Variants in ATP5MJ observed in about 807,000 individuals in gnomAD.
ATP5MJ encodes ATP synthase membrane subunit j, also known as ATP synthase F(0) complex subunit j, mitochondrial.
A neutral mutation model predicts 8.3 loss-of-function variants in ATP5MJ; 4 were observed. That is an observed-to-expected ratio of 0.48 (90% CI 0.24 to 1.11). The LOEUF is 1.11. Ranked by LOEUF, ATP5MJ falls within the 50% of genes least tolerant of loss-of-function variation. The pLI, the probability that ATP5MJ is intolerant of heterozygous loss-of-function variation, is 0.18. For missense variants in ATP5MJ, 66 were observed against 71.8 expected, an observed-to-expected ratio of 0.92 and a Z score of 0.29; for synonymous variants, 23 against 21.3, an observed-to-expected ratio of 1.08 and a Z score of -0.23.
At position 103,915,062 on chromosome 14, in the gene ATP5MJ, G is replaced by A. The variant is rs560737987; in HGVS notation, c.124+4C>T. The A allele has an allele frequency of 1.2e-5, 19 of 1,613,548 alleles. No homozygotes were observed. The highest frequency in any genetic ancestry group is 2.2e-5 in the East Asian group (1 of 44,866). On this transcript the variant is annotated splice_donor_region_variant and intron_variant, in intron 2 of 3. Coordinates refer to ENST00000286953, the MANE Select transcript of ATP5MJ (RefSeq NM_004894.3). The stretch of plus-strand genomic sequence containing the variant: ...TCAGAAAAATCAAACATAAGGAAAC[G>A]TACCAGCAGCCCGGATTTTATAAAC...
intron 2 of ATP5MJ, chr14:103,914,650 T>TA: frequency 1.8e-6 from 1 of 560,780 alleles, no homozygotes; most frequent in Non-Finnish European, 3.2e-6. Flanking sequence ...AAAAAAAAAG[T>TA]ACAAAAAAAA....
rs1327830479 is a variant in ATP5MJ, at chr14:103,918,454, G to A, written c.-1+3016C>T. Among the ~76,000 whole-genome samples the A allele has an allele frequency of 4.6e-5, 7 of 151,894 alleles. No homozygotes were observed. In the East Asian group the frequency reaches 7.8e-4, roughly 17 times the overall value. On this transcript the variant is annotated intron_variant, in intron 1 of 3. Coordinates refer to ENST00000286953, the MANE Select transcript of ATP5MJ (RefSeq NM_004894.3). ...CGGCTCATTGCAAGCTCCGCCTCCC[G>A]GGTTCACACCATTCTCCTGCCTCAG...
At chr14:103,920,540 C>T (rs756879292) in intron 1 of ATP5MJ, among the ~76,000 whole-genome samples, 2 of 146,970 alleles carry the variant, frequency 1.4e-5, no homozygotes, top group Non-Finnish European at 3.0e-5. Flanking sequence ...GGCGCGATCT[C>T]GGCTCACTGC....
intron 1 of ATP5MJ, chr14:103,921,059 G>A (rs1228087260): frequency 1.3e-6 from 2 of 1,549,492 alleles, no homozygotes; most frequent in East Asian, 4.9e-5. Flanking sequence ...AGCATAACGT[G>A]GAGGGCAGTG....
In ATP5MJ at chr14:103,915,307, T is replaced by C. The variant is rs897280172; in HGVS notation, c.1-118A>G. The C allele has an allele frequency of 1.1e-5, 13 of 1,164,764 alleles. No homozygotes were observed. In the Admixed American group the frequency reaches 2.8e-4, roughly 25 times the overall value. 72.2% of individuals were successfully genotyped at this position (1,164,764 alleles called of 1,614,324 possible). On this transcript the variant is annotated intron_variant, in intron 1 of 3. Coordinates refer to ENST00000286953, the MANE Select transcript of ATP5MJ (RefSeq NM_004894.3). ...CCCATGACTGCTAGGGAGCCTCGCC[T>C]GTGTCAGATGTCAGACCCGTTCTGC...
At chr14:103,917,647 C>A (rs2087635992) in intron 1 of ATP5MJ, among the ~76,000 whole-genome samples, 1 of 152,142 alleles carries the variant, frequency 6.6e-6, no homozygotes, top group African/African-American at 2.4e-5. Flanking sequence ...GGGCACCGAA[C>A]CAGGAACTAA....
At chr14:103,916,136 G>A (rs1010602898) in intron 1 of ATP5MJ, among the ~76,000 whole-genome samples, 1 of 152,080 alleles carries the variant, frequency 6.6e-6, no homozygotes, top group Non-Finnish European at 1.5e-5. Context: ...ATAAGACAAC[G>A]AGGTCACTTC....
chr14:103,915,517 T>G (rs540262785), intron 1 of ATP5MJ, among the ~76,000 whole-genome samples: 94 of 152,302 alleles, frequency 6.2e-4, no homozygotes, highest in African/African-American at 2.2e-3. Flanking sequence ...TGGCTAATTT[T>G]TGTATTTTTA....
chr14:103,914,749 A>G (rs1438710573), intron 2 of ATP5MJ: 1 of 529,560 alleles, frequency 1.9e-6, no homozygotes, highest in African/African-American at 2.0e-5. Flanking sequence ...ATCACCTGAA[A>G]TCACCTGAGC....
chr14:103,915,979 C>T (rs1012740478), intron 1 of ATP5MJ, among the ~76,000 whole-genome samples: 14 of 152,170 alleles, frequency 9.2e-5, no homozygotes, highest in African/African-American at 1.9e-4. Context: ...ATCTTCTCAT[C>T]GTCATGTAAT....
chr14:103,912,820 C>T, intron 3 of ATP5MJ, 126 bp from the exon 4 acceptor site: 1 of 896,644 alleles, frequency 1.1e-6, no homozygotes, highest in Non-Finnish European at 1.8e-6. Context: ...CCTTTCAATA[C>T]TATTGAAAAG....
At chr14:103,918,849 C>T (rs1320914049) in intron 1 of ATP5MJ, among the ~76,000 whole-genome samples, 3 of 151,788 alleles carry the variant, frequency 2.0e-5, no homozygotes, top group Non-Finnish European at 2.9e-5. Context: ...GGTGAAACCC[C>T]GTCTCTACTA....
At chr14:103,912,876 G>C in intron 3 of ATP5MJ, 182 bp from the exon 4 acceptor site, 1 of 618,212 alleles carries the variant, frequency 1.6e-6, no homozygotes, top group South Asian at 2.1e-5. Flanking sequence ...AAGGGTTCAT[G>C]TAATGACAGC....
At chr14:103,918,532 T>C (rs898557979) in intron 1 of ATP5MJ, among the ~76,000 whole-genome samples, 1 of 151,908 alleles carries the variant, frequency 6.6e-6, no homozygotes, top group Non-Finnish European at 1.5e-5. Context: ...GGCTAATTTT[T>C]TGTATTTTTA....
At chr14:103,916,375 T>G (rs2087625989) in intron 1 of ATP5MJ, among the ~76,000 whole-genome samples, 1 of 152,226 alleles carries the variant, frequency 6.6e-6, no homozygotes, top group African/African-American at 2.4e-5. Flanking sequence ...TCTGAAGTGG[T>G]CCATTAAACT....
intron 1 of ATP5MJ, among the ~76,000 whole-genome samples, chr14:103,916,307 C>T (rs1425219008): frequency 6.6e-6 from 1 of 152,202 alleles, no homozygotes; most frequent in Non-Finnish European, 1.5e-5. Flanking sequence ...ACAATTTACT[C>T]TCTACTATAG....
chr14:103,914,714 C>T, intron 2 of ATP5MJ: 1 of 549,360 alleles, frequency 1.8e-6, no homozygotes, highest in Non-Finnish European at 3.2e-6. Context: ...GTGGTCCTAG[C>T]TACTTGGCAG....
chr14:103,914,076 C>A, intron 2 of ATP5MJ, 92 bp from the exon 3 acceptor site: 1 of 1,209,024 alleles, frequency 8.3e-7, no homozygotes. Context: ...GGCATTGTAG[C>A]TTAGGTAAAG....
rs370479683 is a variant in ATP5MJ, at chr14:103,914,837, C to CAAAAAGGAAAAAAAAAAA, written c.124+228_124+229insTTTTTTTTTTTCCTTTTT. 2.9e-4 allele frequency: 56 copies of CAAAAAGGAAAAAAAAAAA among 191,076 alleles called. 1 individual carries two copies. In the Admixed American group the frequency reaches 3.6e-3, roughly 12 times the overall value. The allele number at this position is 191,076 out of a possible 1,614,324, so 11.8% of individuals were successfully genotyped here. A position where few individuals can be genotyped will look rare whatever the true frequency, so the allele number is the denominator to read the frequency against. On this transcript the variant is annotated intron_variant, in intron 2 of 3. Transcript: ENST00000286953. ...GGGCGTCAGAGTGAGAGACTGTCTCCAAAAAAAAAAAAAAAAAAAAGAAAA... is the reference window on the plus strand; with the variant it reads ...GGGCGTCAGAGTGAGAGACTGTCTCCAAAAAGGAAAAAAAAAAAAAAAAAAAAAAAAAAAAAAAGAAAA...
Sources: allele counts gnomAD v4.1 joint callset (sites outside exome capture counted in the v4.1 genomes callset), GRCh38; gene constraint gnomAD v4.1.1; transcripts MANE v1.5; gene names NCBI Gene and HGNC (gene_info 2026-07-23, HGNC 2026-07-21).